NPC1: variants seen among roughly 807,000 people sequenced by gnomAD.
NPC1 encodes Niemann-Pick C1 protein.
NPC1 carries 85 observed loss-of-function variants against 140.4 expected under a neutral mutation model. The observed-to-expected ratio is 0.61, with a 90% CI of 0.51 to 0.72. The LOEUF is 0.72. Ranked by LOEUF, NPC1 falls within the 30% of genes least tolerant of loss-of-function variation. The probability of loss-of-function intolerance (pLI) is 0.00; values close to 1 mark genes in which losing one functional copy is unlikely to be tolerated. For missense variants in NPC1, 1,504 were observed against 1,623.8 expected (o/e 0.93, Z 1.27); for synonymous variants, 656 against 624.8 (o/e 1.05, Z -0.74).
intron 23 of NPC1, chr18:23,533,774 G>C: frequency 2.1e-6 from 1 of 481,796 alleles, no homozygotes; most frequent in East Asian, 4.1e-5. Context: ...CCAAAGTGCT[G>C]GGGTTATAGG....
At chr18:23,541,533 C>T in intron 14 of NPC1, 100 bp from the exon 15 acceptor site, 2 of 1,501,980 alleles carry the variant, frequency 1.3e-6, no homozygotes, top group Non-Finnish European at 1.8e-6. Context: ...GGAGCCAGCA[C>T]AGGCCAAACG....
chr18:23,575,094 C>G (rs527848039), intron 1 of NPC1, among the ~76,000 whole-genome samples: 1 of 152,216 alleles, frequency 6.6e-6, no homozygotes, highest in Admixed American at 6.5e-5. Context: ...ATTGGCCTGT[C>G]TCTGCCTCAG....
chr18:23,544,952 C>A lies in NPC1; in HGVS notation c.1947+8G>T. Reference sequence around the variant, plus strand: ...CTCTAGAACATACACCACCCCCCCCCGGCTTACCAGAAGCCTGCGACAGCT... The same window carrying A: ...CTCTAGAACATACACCACCCCCCCCAGGCTTACCAGAAGCCTGCGACAGCT... On this transcript the variant is annotated splice_region_variant and intron_variant, in intron 12 of 24. Coordinates refer to ENST00000269228, the MANE Select transcript of NPC1 (RefSeq NM_000271.5). The A allele has an allele frequency of 7.0e-7, 1 of 1,430,730 alleles. No individual in the cohort carries two copies. Among genetic ancestry groups the A allele is most frequent in the South Asian group, 1.2e-5 (1 of 86,812 alleles). 88.6% of individuals were successfully genotyped at this position (1,430,730 alleles called of 1,614,324 possible).
rs563068914 is a variant in NPC1, at chr18:23,573,435, T to C, written c.180+17A>G. The C allele has an allele frequency of 1.7e-5, 27 of 1,614,090 alleles. No individual in the cohort carries two copies. The South Asian group carries it at 2.9e-4, about 17-fold the overall frequency. On this transcript the variant is annotated intron_variant, in intron 2 of 24. Coordinates refer to ENST00000269228, the MANE Select transcript of NPC1 (RefSeq NM_000271.5). ...ATCAGCATTTTGTGTTCCCAGTGCCTAAGATAATGAACTTACCTGCACTAA... is the reference window on the plus strand; with the variant it reads ...ATCAGCATTTTGTGTTCCCAGTGCCCAAGATAATGAACTTACCTGCACTAA...
At chr18:23,547,424 G>A (rs1161133705) in intron 11 of NPC1, among the ~76,000 whole-genome samples, 1 of 152,098 alleles carries the variant, frequency 6.6e-6, no homozygotes, top group Non-Finnish European at 1.5e-5. Context: ...CATTCAGCAT[G>A]CTCCCAAGTT....
At chr18:23,515,120 G>C (rs2057965488) in intron 3 of NPC1, among the ~76,000 whole-genome samples, 2 of 152,112 alleles carry the variant, frequency 1.3e-5, no homozygotes, top group African/African-American at 4.8e-5. Context: ...TAACACATGG[G>C]GTCCTGGAGG....
chr18:23,540,576 G>T, intron 16 of NPC1, 39 bp from the exon 17 acceptor site: 3 of 1,350,266 alleles, frequency 2.2e-6, no homozygotes, highest in Non-Finnish European at 3.2e-6. Flanking sequence ...AGACTGCTTA[G>T]TAAATAAGCT....
rs540824693 is a variant in NPC1 at position 23,566,786 on chromosome 18, T to C, written c.463+2037A>G. On this transcript the variant is annotated intron_variant, in intron 4 of 24. Coordinates refer to ENST00000269228, the MANE Select transcript of NPC1 (RefSeq NM_000271.5). Reference sequence around the variant, plus strand: ...TCATATAAACATGTAACCACCATTATAGTATCATATAGAGTATTTTCACCA... The same window carrying C: ...TCATATAAACATGTAACCACCATTACAGTATCATATAGAGTATTTTCACCA... 5.6e-4 allele frequency among the ~76,000 whole-genome samples: 86 copies of C among 152,342 alleles called. 1 individual carries two copies. The South Asian group carries it at 6.8e-3, about 12-fold the overall frequency.
chr18:23,558,738 A>G (rs937755686), intron 6 of NPC1, among the ~76,000 whole-genome samples: 3 of 152,018 alleles, frequency 2.0e-5, no homozygotes, highest in African/African-American at 4.8e-5. Flanking sequence ...AATTATTATT[A>G]TACTTTAAGT....
chr18:23,563,945 C>G (rs1452631213), intron 4 of NPC1, among the ~76,000 whole-genome samples: 2 of 145,456 alleles, frequency 1.4e-5, no homozygotes, highest in East Asian at 4.1e-4. Context: ...AGATCTTTTG[C>G]CATTTTAAAT....
intron 1 of NPC1, among the ~76,000 whole-genome samples, chr18:23,523,543 C>CA (rs374224848): frequency 0.024 from 1,852 of 76,296 alleles, 268 homozygotes; most frequent in African/African-American, 0.082. Context: ...CTTGTCTTCA[C>CA]AAAAAAAAAA....
In NPC1 at chr18:23,541,314, G is replaced by A. The variant is rs1555633697; in HGVS notation, c.2365C>T (p.Arg789Cys). 1.9e-6 allele frequency: 3 copies of A among 1,614,198 alleles called. No homozygotes were observed. The highest frequency in any genetic ancestry group is 2.5e-6 in the Non-Finnish European group (3 of 1,180,034). ...TCCTGGCACCAACTTACCTCTTGAC[G>A]TTTAATGTCTAACCCCAAGAGACTC... ...FVSLLGLDIK[R>C]QEKNRLDIFC... is the part of the protein sequence containing the mutation. Residue 789 changes from arginine (R) to cysteine (C), a missense_variant, in exon 15 of 25, where the codon CGT becomes TGT. By Grantham distance (180) the Arg-to-Cys change is radical. Transcript: ENST00000269228.
intron 24 of NPC1, chr18:23,533,111 G>C: frequency 3.2e-6 from 2 of 619,836 alleles, no homozygotes; most frequent in Non-Finnish European, 5.1e-6. Flanking sequence ...CCAGGCCTTT[G>C]TGAAGCAGAC....
chr18:23,528,809 T>G (rs2058386802), downstream of NPC1: 1 of 172,880 alleles, frequency 5.8e-6, no homozygotes, highest in Non-Finnish European at 1.2e-5. Flanking sequence ...ATGAGCAGCA[T>G]CTGGAGTTTC....
intron 1 of NPC1, among the ~76,000 whole-genome samples, chr18:23,579,647 T>C (rs1462489710): frequency 6.6e-6 from 1 of 152,050 alleles, no homozygotes; most frequent in Non-Finnish European, 1.5e-5. Context: ...TCCCAGCACT[T>C]TGGGAGGCCG....
intron 14 of NPC1, among the ~76,000 whole-genome samples, chr18:23,542,116 C>T (rs182073970): frequency 1.7e-3 from 254 of 152,260 alleles, no homozygotes; most frequent in Non-Finnish European, 2.6e-3. Flanking sequence ...AGATAGGACA[C>T]GTGCAGTTGG....
chr18:23,540,252 C>G (rs763651733), intron 17 of NPC1, among the ~76,000 whole-genome samples, 196 bp downstream of exon 17: 14 of 152,124 alleles, frequency 9.2e-5, no homozygotes, highest in Non-Finnish European at 1.8e-4. Context: ...GCAGCTGTGC[C>G]CAGAGGGGCT....
At chr18:23,549,730 T>C (rs2058840100) in intron 10 of NPC1, among the ~76,000 whole-genome samples, 1 of 151,802 alleles carries the variant, frequency 6.6e-6, no homozygotes, top group South Asian at 2.1e-4. Context: ...GTTGTTGATC[T>C]TTTTTTCACA....
intron 11 of NPC1, 69 bp from the exon 12 acceptor site, chr18:23,545,218 A>G: frequency 8.7e-7 from 1 of 1,148,878 alleles, no homozygotes. Context: ...ACTTCTCCCT[A>G]ACTTTCACGA....
Sources: gnomAD v4.1 joint callset for allele counts (sites outside exome capture counted in the v4.1 genomes callset) on GRCh38, gnomAD v4.1.1 for gene constraint, MANE v1.5 for transcripts, NCBI Gene and HGNC (gene_info 2026-07-23, HGNC 2026-07-21) for gene names.